NEK10: variants seen among roughly 807,000 people sequenced by gnomAD.
The protein encoded by NEK10 is NIMA related kinase 10, also known as serine/threonine-protein kinase Nek10.
A neutral mutation model predicts 159.8 loss-of-function variants in NEK10; 122 were observed. That is an observed-to-expected ratio of 0.76 (90% CI 0.66 to 0.89). The LOEUF (loss-of-function observed/expected upper bound fraction) is 0.89, where lower values mean the gene tolerates loss of function less well. NEK10 is among the 40% of genes least tolerant of loss of function. NEK10 has a pLI of 0.00. For synonymous variants in NEK10, 466 were observed against 457.1 expected, an observed-to-expected ratio of 1.02 and a Z score of -0.25; for missense variants, 1,342 against 1,323.1, an observed-to-expected ratio of 1.01 and a Z score of -0.22.
chr3:27,228,894 T>C (rs564925703), intron 23 of NEK10, among the ~76,000 whole-genome samples: 15 of 152,210 alleles, frequency 9.9e-5, no homozygotes, highest in Admixed American at 7.8e-4. Flanking sequence ...CCCTTCTCCC[T>C]GATAAAAACC....
intron 22 of NEK10, among the ~76,000 whole-genome samples, chr3:27,282,595 TATATATATATACATAACTGTG>T (rs2149450314): frequency 2.1e-5 from 2 of 97,534 alleles, no homozygotes; most frequent in African/African-American, 7.4e-5. Context: ...ATAACTGTGT[TATATATATATACATAACTGTG>T]TTATATATAT....
At chr3:27,311,981 G>C in intron 8 of NEK10, 118 bp downstream of exon 8, 1 of 716,914 alleles carries the variant, frequency 1.4e-6, no homozygotes, top group South Asian at 1.6e-5. Flanking sequence ...CTCAACACCT[G>C]AGCTGTGTGT....
intron 23 of NEK10, among the ~76,000 whole-genome samples, chr3:27,204,275 C>CTTTTTTTTTTTTTTTTTTTTTTTTTTT (rs1203026508): frequency 2.0e-4 from 13 of 63,958 alleles, no homozygotes; most frequent in South Asian, 6.0e-4. Context: ...GATAAATTTT[C>CTTTTTTTTTTTTTTTTTTTTTTTTTTT]TTTTTTTTTT....
chr3:27,332,053 G>A (rs1321566357), intron 5 of NEK10, among the ~76,000 whole-genome samples: 1 of 152,174 alleles, frequency 6.6e-6, no homozygotes, highest in Non-Finnish European at 1.5e-5. Flanking sequence ...GGCAAAGGAA[G>A]AGGCATATGC....
Position 27,222,928 on chromosome 3 carries a change from A to G in NEK10, c.2091-20371T>C, listed in dbSNP as rs376239706. On this transcript the variant is annotated intron_variant, in intron 23 of 35. Coordinates refer to ENST00000691995, the MANE Select transcript of NEK10 (RefSeq NM_001394966.1). ...AATTACATCTTTAATAATTATTCCT[A>G]TTAAGTTTTTTTTTGGCAACATGAC... Among the ~76,000 whole-genome samples, 3 of 152,054 alleles carry G rather than the reference A, an allele frequency of 2.0e-5. No homozygotes were observed. In the East Asian group the frequency reaches 5.8e-4, roughly 29 times the overall value.
At chr3:27,339,778 CAA>C (rs33927068) in intron 5 of NEK10, among the ~76,000 whole-genome samples, 64,978 of 119,728 alleles carry the variant, frequency 0.54, 16,681 homozygotes, top group East Asian at 0.8. Flanking sequence ...GACTCCATCT[CAA>C]AAAAAAAAAA....
chr3:27,235,678 T>C (rs1953832076), intron 23 of NEK10, among the ~76,000 whole-genome samples: 1 of 152,138 alleles, frequency 6.6e-6, no homozygotes, highest in Non-Finnish European at 1.5e-5. Flanking sequence ...GTAAATTAGT[T>C]CAACCATTGT....
intron 26 of NEK10, among the ~76,000 whole-genome samples, chr3:27,177,329 G>A (rs1453398116): frequency 6.6e-6 from 1 of 152,066 alleles, no homozygotes; most frequent in Admixed American, 6.5e-5. Flanking sequence ...GGATCACGAG[G>A]TCAGGAGATC....
intron 30 of NEK10, among the ~76,000 whole-genome samples, chr3:27,150,384 C>A (rs141252619): frequency 6.6e-5 from 10 of 152,302 alleles, no homozygotes; most frequent in Middle Eastern, 3.4e-3. Context: ...CAGGCTGACT[C>A]TCTTGTTAGG....
At chr3:27,170,121 G>A (rs1325180729) in intron 29 of NEK10, among the ~76,000 whole-genome samples, 2 of 152,118 alleles carry the variant, frequency 1.3e-5, no homozygotes, top group East Asian at 1.9e-4. Flanking sequence ...ACATAAGTTA[G>A]CTAAAGTCAG....
At chr3:27,136,646 A>C (rs1413660651) in intron 31 of NEK10, among the ~76,000 whole-genome samples, 3 of 152,196 alleles carry the variant, frequency 2.0e-5, no homozygotes, top group African/African-American at 4.8e-5. Flanking sequence ...CACTGATTTC[A>C]TACTTAGCTT....
At chr3:27,332,554 A>G (rs1288159211) in intron 5 of NEK10, among the ~76,000 whole-genome samples, 1 of 152,176 alleles carries the variant, frequency 6.6e-6, no homozygotes, top group Admixed American at 6.5e-5. Flanking sequence ...ATCACTTTCA[A>G]TAACTTCATA....
At chr3:27,357,448 G>T (rs2048395376) in intron 1 of NEK10, among the ~76,000 whole-genome samples, 1 of 152,098 alleles carries the variant, frequency 6.6e-6, no homozygotes, top group African/African-American at 2.4e-5. Flanking sequence ...TTCAGTCATT[G>T]GGGGAAACTT....
chr3:27,119,691 G>T, intron 33 of NEK10, 69 bp downstream of exon 33: 1 of 1,197,938 alleles, frequency 8.3e-7, no homozygotes, highest in Non-Finnish European at 1.2e-6. Flanking sequence ...TAATCTTTTA[G>T]AAATAGCTGT....
At chr3:27,214,893 A>G in intron 23 of NEK10, 1 of 1,180,244 alleles carries the variant, frequency 8.5e-7, no homozygotes, top group Admixed American at 1.7e-5. Flanking sequence ...CCAGAACGGA[A>G]GGCTAATGGC....
At chr3:27,326,863 C>A (rs1369377299) in intron 5 of NEK10, among the ~76,000 whole-genome samples, 1 of 152,154 alleles carries the variant, frequency 6.6e-6, no homozygotes, top group Non-Finnish European at 1.5e-5. Context: ...GCCCTTAACC[C>A]ACTGCAAGGA....
chr3:27,292,689 C>T (rs957911430), intron 16 of NEK10, among the ~76,000 whole-genome samples: 12 of 151,058 alleles, frequency 7.9e-5, no homozygotes, highest in Non-Finnish European at 1.3e-4. Context: ...CAAAAATTAG[C>T]CAGGTGTGGT....
At chr3:27,352,427 T>G (rs1236497154) in intron 3 of NEK10, 38 bp downstream of exon 3, 3 of 1,405,484 alleles carry the variant, frequency 2.1e-6, no homozygotes, top group Non-Finnish European at 3.0e-6. Context: ...ATATGATTTT[T>G]CTTTTATTAC....
intron 29 of NEK10, among the ~76,000 whole-genome samples, chr3:27,167,588 A>G (rs1171926820): frequency 6.6e-6 from 1 of 152,210 alleles, no homozygotes; most frequent in African/African-American, 2.4e-5. Context: ...AGAATCCTCA[A>G]TGTGTATATA....
Sources: gnomAD v4.1 joint callset for allele counts (sites outside exome capture counted in the v4.1 genomes callset) on GRCh38, gnomAD v4.1.1 for gene constraint, MANE v1.5 for transcripts, NCBI Gene and HGNC (gene_info 2026-07-23, HGNC 2026-07-21) for gene names.